AK5: variants seen among roughly 807,000 people sequenced by gnomAD.
AK5 encodes adenylate kinase isoenzyme 5.
AK5 carries 27 observed loss-of-function variants against 69.5 expected under a neutral mutation model. The ratio of observed to expected loss-of-function variants is 0.39; its 90% CI spans 0.29 to 0.54. The LOEUF is 0.54. Among genes scored for constraint, AK5 ranks in the 20% least tolerant of loss-of-function variants. The pLI is 0.71. For missense variants in AK5, 531 were observed against 700.4 expected (o/e 0.76, Z 2.73); for synonymous variants, 260 against 244.4 (o/e 1.06, Z -0.60).
chr1:77,297,996 T>C (rs1266867148), intron 5 of AK5, 49 bp downstream of exon 5: 10 of 1,418,444 alleles, frequency 7.0e-6, no homozygotes, highest in Non-Finnish European at 8.6e-6. Context: ...TGCTTAAAAT[T>C]TTGGGAATAA....
chr1:77,319,929 C>G (rs575367041), intron 5 of AK5, among the ~76,000 whole-genome samples: 1 of 152,154 alleles, frequency 6.6e-6, no homozygotes, highest in Admixed American at 6.5e-5. Flanking sequence ...AATGAATAAA[C>G]AGGGTAATTG....
intron 8 of AK5, among the ~76,000 whole-genome samples, chr1:77,471,081 A>G (rs955770492): frequency 6.6e-6 from 1 of 150,586 alleles, no homozygotes; most frequent in African/African-American, 2.4e-5. Flanking sequence ...ACGTGGTTTC[A>G]CCGTGTTAGC....
At chr1:77,282,594 C>T in intron 1 of AK5, 1 of 1,328,950 alleles carries the variant, frequency 7.5e-7, no homozygotes, top group East Asian at 3.2e-5. Context: ...TCTCACAGAT[C>T]AAGTTTCAGT....
chr1:77,477,203 AT>A (rs1190320591), intron 8 of AK5, among the ~76,000 whole-genome samples: 1 of 151,944 alleles, frequency 6.6e-6, no homozygotes, highest in Non-Finnish European at 1.5e-5. Flanking sequence ...AATTTTTTAA[AT>A]TTTTTGTAGA....
intron 6 of AK5, among the ~76,000 whole-genome samples, chr1:77,359,159 G>A (rs1646809193): frequency 6.6e-6 from 1 of 151,768 alleles, no homozygotes; most frequent in South Asian, 2.1e-4. Context: ...GGAGGCTGAG[G>A]CAGAAGAATG....
At chr1:77,545,365 A>G (rs990411173) in intron 13 of AK5, among the ~76,000 whole-genome samples, 2 of 152,150 alleles carry the variant, frequency 1.3e-5, no homozygotes, top group African/African-American at 4.8e-5. Context: ...AAATACTCCC[A>G]AGCTGTACGC....
intron 11 of AK5, 59 bp downstream of exon 11, chr1:77,518,786 T>C: frequency 6.5e-7 from 1 of 1,532,458 alleles, no homozygotes; most frequent in Admixed American, 1.9e-5. Context: ...ACCTTTGGGG[T>C]TTTTGTAATG....
chr1:77,297,480 C>T, intron 3 of AK5, 79 bp from the exon 4 acceptor site: 4 of 1,342,812 alleles, frequency 3.0e-6, no homozygotes, highest in Non-Finnish European at 4.0e-6. Flanking sequence ...AATTTGCATC[C>T]CAGATGAAGT....
At position 77,301,097 on chromosome 1, in the gene AK5, A is replaced by C. The variant is rs1307192369; in HGVS notation, c.699+3150A>C. On this transcript the variant is annotated intron_variant, in intron 5 of 13. Transcript: ENST00000354567. The stretch of plus-strand genomic sequence containing the variant: ...GACCACTGTAACAAAAGGGCCTAAC[A>C]CTTAAATGGCTTTTAGGATGAAGAA... 3.9e-5 allele frequency among the ~76,000 whole-genome samples: 6 copies of C among 152,168 alleles called. No individual in the cohort carries two copies. The East Asian group carries it at 1.2e-3, about 29-fold the overall frequency.
At chr1:77,531,494 C>G (rs1658586093) in intron 12 of AK5, among the ~76,000 whole-genome samples, 1 of 152,096 alleles carries the variant, frequency 6.6e-6, no homozygotes, top group South Asian at 2.1e-4. Context: ...AGTGTGGACA[C>G]AAAGGTTCTC....
At position 77,558,661 on chromosome 1, in the gene AK5, T is replaced by TATA. The variant is rs1660262507; in HGVS notation, c.1682_1683insAAT (p.Ile561dup). ...TTCAACTCTGCACAGCTATTGACTC[T>TATA]ATTTTCTGAAGGCAAAAATGCATGT... On this transcript the variant is annotated inframe_insertion, in exon 14 of 14. Coordinates refer to ENST00000354567, the MANE Select transcript of AK5 (RefSeq NM_174858.3). The TATA allele has an allele frequency of 6.8e-7, 1 of 1,468,648 alleles. No homozygotes were observed. The highest frequency in any genetic ancestry group is 9.1e-7 in the Non-Finnish European group (1 of 1,101,414). 91.0% of individuals were successfully genotyped at this position (1,468,648 alleles called of 1,614,324 possible).
intron 8 of AK5, among the ~76,000 whole-genome samples, chr1:77,421,474 G>T (rs929791305): frequency 1.5e-4 from 23 of 152,210 alleles, no homozygotes; most frequent in African/African-American, 5.5e-4. Flanking sequence ...TCCTTCCAGA[G>T]TTCCTTTTAC....
At chr1:77,549,871 C>CTGAA (rs1553163265) in intron 13 of AK5, among the ~76,000 whole-genome samples, 1 of 151,514 alleles carries the variant, frequency 6.6e-6, no homozygotes, top group Non-Finnish European at 1.5e-5. Flanking sequence ...TTCACCCAGG[C>CTGAA]TGGAGTATAG....
chr1:77,285,299 A>G (rs980756659), intron 1 of AK5, among the ~76,000 whole-genome samples: 5 of 152,234 alleles, frequency 3.3e-5, no homozygotes, highest in Non-Finnish European at 7.3e-5. Context: ...ATGTGTGTGT[A>G]TATGGGACAG....
intron 13 of AK5, among the ~76,000 whole-genome samples, chr1:77,538,360 CAA>C (rs142649086): frequency 1.0e-4 from 15 of 144,528 alleles, no homozygotes; most frequent in African/African-American, 3.9e-4. Flanking sequence ...ACAACAACAA[CAA>C]AAAAAAAAAA....
intron 2 of AK5, 51 bp from the exon 3 acceptor site, chr1:77,293,742 T>C (rs768433066): frequency 6.9e-7 from 1 of 1,451,248 alleles, no homozygotes; most frequent in Non-Finnish European, 9.3e-7. Flanking sequence ...GTGTGAAGAG[T>C]GTTTTATTAT....
At chr1:77,306,499 T>TTG (rs1385789603) in intron 5 of AK5, among the ~76,000 whole-genome samples, 1 of 137,008 alleles carries the variant, frequency 7.3e-6, no homozygotes, top group Admixed American at 7.3e-5. Context: ...TTTTTGTTTT[T>TTG]TTTTTTTTTT....
At chr1:77,410,815 C>T (rs983681887) in intron 6 of AK5, among the ~76,000 whole-genome samples, 166 bp from the exon 7 acceptor site, 16 of 152,210 alleles carry the variant, frequency 1.1e-4, no homozygotes, top group Non-Finnish European at 1.3e-4. Context: ...GATAGGAGGT[C>T]TGGGCTTAAA....
In AK5 at chr1:77,515,029, A is replaced by C. The variant is rs1570291240; in HGVS notation, c.1148-3535A>C. The stretch of plus-strand genomic sequence containing the variant: ...TGGCCACCTTGTTCCCACACTCTCC[A>C]TTCCTATTATACTGAGAGACGGGAG... On this transcript the variant is annotated intron_variant, in intron 10 of 13. Coordinates refer to ENST00000354567, the MANE Select transcript of AK5 (RefSeq NM_174858.3). Among the ~76,000 whole-genome samples the C allele has an allele frequency of 3.3e-5, 5 of 152,276 alleles. 1 individual carries two copies. The highest frequency in any genetic ancestry group is 3.3e-4 in the Admixed American group (5 of 15,300).
Sources: allele counts gnomAD v4.1 joint callset (sites outside exome capture counted in the v4.1 genomes callset), GRCh38; gene constraint gnomAD v4.1.1; transcripts MANE v1.5; gene names NCBI Gene and HGNC (gene_info 2026-07-23, HGNC 2026-07-21).